The following MGAT4C variants were observed in gnomAD, a reference collection of about 807,000 sequenced individuals.
MGAT4C encodes the protein MGAT4 family member C.
MGAT4C carries 19 observed loss-of-function variants against 40.1 expected under a neutral mutation model. The observed-to-expected ratio is 0.47, with a 90% CI of 0.33 to 0.70. The LOEUF is 0.70. Among genes scored for constraint, MGAT4C ranks in the 30% least tolerant of loss-of-function variants. The pLI is 0.02. For missense variants in MGAT4C, 491 were observed against 563.2 expected, an observed-to-expected ratio of 0.87 and a Z score of 1.30; for synonymous variants, 181 against 187.1, an observed-to-expected ratio of 0.97 and a Z score of 0.27.
intron 2 of MGAT4C, among the ~76,000 whole-genome samples, chr12:86,470,779 A>C (rs1346102983): frequency 6.6e-6 from 1 of 152,142 alleles, no homozygotes; most frequent in African/African-American, 2.4e-5. Flanking sequence ...CTGAAACTTT[A>C]CATCATTTTC....
At chr12:86,669,887 C>G (rs529027514) in intron 2 of MGAT4C, among the ~76,000 whole-genome samples, 3 of 152,306 alleles carry the variant, frequency 2.0e-5, no homozygotes, top group African/African-American at 7.2e-5. Context: ...GGTTGAACTA[C>G]ACTGCCTAAC....
chr12:86,188,677 T>A (rs1029949109), intron 1 of MGAT4C, among the ~76,000 whole-genome samples: 2 of 152,032 alleles, frequency 1.3e-5, no homozygotes, highest in Non-Finnish European at 2.9e-5. Flanking sequence ...TGCATTTTAC[T>A]TTATATTTAT....
chr12:86,113,596 C>G (rs1298511599), intron 1 of MGAT4C, among the ~76,000 whole-genome samples: 2 of 151,716 alleles, frequency 1.3e-5, no homozygotes, highest in African/African-American at 4.8e-5. Context: ...GTAGTTTTTA[C>G]TAAAATTTGG....
intron 4 of MGAT4C, among the ~76,000 whole-genome samples, chr12:86,283,868 A>G (rs1953281638): frequency 6.6e-6 from 1 of 152,122 alleles, no homozygotes; most frequent in African/African-American, 2.4e-5. Context: ...GTATATCGCT[A>G]TATGGAATTC....
chr12:86,063,724 A>G (rs1225731933), intron 1 of MGAT4C, among the ~76,000 whole-genome samples: 3 of 152,228 alleles, frequency 2.0e-5, no homozygotes, highest in Non-Finnish European at 4.4e-5. Flanking sequence ...AGTAAATGGA[A>G]AGCAAAAAAG....
chr12:86,682,822 G>A (rs1435101599), intron 2 of MGAT4C, among the ~76,000 whole-genome samples: 1 of 151,616 alleles, frequency 6.6e-6, no homozygotes, highest in Non-Finnish European at 1.5e-5. Context: ...ACTTTGATTT[G>A]GATTCACTCT....
chr12:86,541,467 C>T (rs929912227), intron 2 of MGAT4C, among the ~76,000 whole-genome samples: 3 of 152,040 alleles, frequency 2.0e-5, no homozygotes, highest in Non-Finnish European at 4.4e-5. Flanking sequence ...CCCAAAATGG[C>T]ATTGACTTGT....
chr12:86,084,464 A>C (rs1194448418), intron 1 of MGAT4C, among the ~76,000 whole-genome samples: 3 of 152,054 alleles, frequency 2.0e-5, no homozygotes, highest in Admixed American at 6.6e-5. Flanking sequence ...TGTGTATTAC[A>C]CATTTAGTGT....
At chr12:86,258,284 AATCTATCTATCTATCTATCT>A (rs10534958), upstream of MGAT4C, among the ~76,000 whole-genome samples, 3,284 of 146,744 alleles carry the variant, frequency 0.022, 114 homozygotes, top group African/African-American at 0.078. Context: ...AACAGGATAT[AATCTATCTATCTATCTATCT>A]ATCTATCTAT....
rs557594981 is a variant in MGAT4C, at chr12:86,556,023, T to C, written c.-228-120758A>G. The stretch of plus-strand genomic sequence containing the variant: ...ACACGATGCCTATGCATGTAATATG[T>C]AGAACTGATATTTTCTCAAGTCTAT... On this transcript the variant is annotated intron_variant, in intron 2 of 7. Coordinates refer to the MGAT4C transcript ENST00000548651. 1.7e-3 allele frequency among the ~76,000 whole-genome samples: 264 copies of C among 152,362 alleles called. 1 individual carries two copies. Among genetic ancestry groups the C allele is most frequent in the African/African-American group, 6.2e-3 (259 of 41,586 alleles).
chr12:86,000,871 C>G (rs1234198130), intron 2 of MGAT4C, among the ~76,000 whole-genome samples: 1 of 152,160 alleles, frequency 6.6e-6, no homozygotes, highest in Non-Finnish European at 1.5e-5. Context: ...CAACTGCTCC[C>G]CAACTATCAT....
intron 1 of MGAT4C, among the ~76,000 whole-genome samples, chr12:86,081,186 G>A (rs1024262501): frequency 6.6e-6 from 1 of 152,072 alleles, no homozygotes; most frequent in African/African-American, 2.4e-5. Flanking sequence ...ATAAAAAAAA[G>A]ACACTTGAAC....
At chr12:86,545,145 A>G (rs1959186727) in intron 2 of MGAT4C, among the ~76,000 whole-genome samples, 1 of 152,038 alleles carries the variant, frequency 6.6e-6, no homozygotes, top group South Asian at 2.1e-4. Flanking sequence ...TATTCCTTTC[A>G]ACAGCCACCC....
intron 2 of MGAT4C, among the ~76,000 whole-genome samples, chr12:86,584,052 A>C (rs1001348019): frequency 5.3e-5 from 8 of 150,952 alleles, no homozygotes; most frequent in Non-Finnish European, 1.2e-4. Flanking sequence ...AGGAATAACA[A>C]GGACGATATA....
intron 2 of MGAT4C, among the ~76,000 whole-genome samples, chr12:86,567,690 G>A (rs10858441): frequency 0.75 from 114,105 of 152,072 alleles, 43,835 homozygotes; most frequent in Middle Eastern, 0.84. Context: ...TGAAGGCAAT[G>A]GGAATACAGA....
intron 1 of MGAT4C, among the ~76,000 whole-genome samples, chr12:86,762,807 T>C (rs1400366796): frequency 1.3e-5 from 2 of 152,200 alleles, no homozygotes; most frequent in African/African-American, 4.8e-5. Context: ...CATAAAGCAG[T>C]AGCAGGTTCA....
chr12:86,237,283 T>C lies in MGAT4C; in HGVS notation c.-57+18956A>G, dbSNP rs73387532. On this transcript the variant is annotated intron_variant, in intron 1 of 4. Transcript: ENST00000611864. ...CTAGCTCTATTATTCACTAGCAGTGTGACTTTCCTAAATAATCCTACGTTT... is the reference window on the plus strand; with the variant it reads ...CTAGCTCTATTATTCACTAGCAGTGCGACTTTCCTAAATAATCCTACGTTT... Among the ~76,000 whole-genome samples the C allele has an allele frequency of 3.3e-3, 494 of 151,884 alleles. 2 individuals carry two copies. Among genetic ancestry groups the C allele is most frequent in the African/African-American group, 0.012 (481 of 41,526 alleles).
chr12:86,078,401 C>T (rs561543579), intron 1 of MGAT4C, among the ~76,000 whole-genome samples: 1 of 152,244 alleles, frequency 6.6e-6, no homozygotes, highest in African/African-American at 2.4e-5. Context: ...GTGTGGAATA[C>T]CATGATGGTG....
intron 2 of MGAT4C, among the ~76,000 whole-genome samples, chr12:86,017,703 C>A (rs1462461260): frequency 6.6e-6 from 1 of 152,030 alleles, no homozygotes; most frequent in Non-Finnish European, 1.5e-5. Flanking sequence ...AGAAGCCACG[C>A]AATTTAGGGA....
Sources: allele counts gnomAD v4.1 joint callset (sites outside exome capture counted in the v4.1 genomes callset), GRCh38; gene constraint gnomAD v4.1.1; transcripts MANE v1.5; gene names NCBI Gene and HGNC (gene_info 2026-07-23, HGNC 2026-07-21).